Variants in DPP10 observed in about 807,000 individuals in gnomAD.
DPP10 encodes the protein dipeptidyl peptidase like 10.
Under a neutral mutation model 120.9 loss-of-function variants are expected in DPP10, and 33 were observed. The ratio of observed to expected loss-of-function variants is 0.27; its 90% CI spans 0.21 to 0.37. The LOEUF (loss-of-function observed/expected upper bound fraction) is 0.37. DPP10 is among the 10% of genes least tolerant of loss of function. The pLI, the probability that DPP10 is intolerant of heterozygous loss-of-function variation, is 1.00. For synonymous variants in DPP10, 337 were observed against 326.1 expected (o/e 1.03, Z -0.36); for missense variants, 816 against 942.8 (o/e 0.87, Z 1.76).
At chr2:115,248,469 A>G (rs1314373769) in intron 1 of DPP10, among the ~76,000 whole-genome samples, 7 of 151,898 alleles carry the variant, frequency 4.6e-5, no homozygotes, top group Non-Finnish European at 7.4e-5. Context: ...TTGTGAGTCA[A>G]TCCTGCTTGC....
chr2:115,505,821 G>A (rs1379774517), intron 4 of DPP10, among the ~76,000 whole-genome samples: 1 of 152,100 alleles, frequency 6.6e-6, no homozygotes, highest in African/African-American at 2.4e-5. Flanking sequence ...CAAAATTACT[G>A]AGAGTAAATT....
At chr2:115,433,877 G>A (rs1413868091) in intron 3 of DPP10, among the ~76,000 whole-genome samples, 1 of 151,934 alleles carries the variant, frequency 6.6e-6, no homozygotes, top group Non-Finnish European at 1.5e-5. Flanking sequence ...CGATTACCAT[G>A]CTCAAATCCA....
intron 4 of DPP10, among the ~76,000 whole-genome samples, chr2:115,516,098 G>T (rs2077490751): frequency 6.6e-6 from 1 of 152,092 alleles, no homozygotes; most frequent in Non-Finnish European, 1.5e-5. Context: ...TGCAAGTTTA[G>T]TGCATGACAA....
chr2:115,826,700 G>A lies in DPP10; in HGVS notation c.1951-9457G>A, dbSNP rs910391655. Among the ~76,000 whole-genome samples, 10 of 151,996 alleles carry A rather than the reference G, an allele frequency of 6.6e-5. No individual in the cohort carries two copies. In the East Asian group the frequency reaches 9.6e-4, roughly 15 times the overall value. On this transcript the variant is annotated intron_variant, in intron 21 of 25. Coordinates refer to ENST00000410059, the MANE Select transcript of DPP10 (RefSeq NM_020868.6). The stretch of plus-strand genomic sequence containing the variant: ...CATGCCACTGCATTCCAGCCTGGGC[G>A]ACTTTATTTTTGGTTATATTATCTC...
At chr2:115,134,914 G>C (rs1250549084) in intron 1 of DPP10, among the ~76,000 whole-genome samples, 2 of 152,112 alleles carry the variant, frequency 1.3e-5, no homozygotes, top group African/African-American at 4.8e-5. Context: ...ATCAGCAAGA[G>C]GCCATCGTGC....
At chr2:115,633,111 G>A (rs2086020246) in intron 5 of DPP10, among the ~76,000 whole-genome samples, 1 of 152,106 alleles carries the variant, frequency 6.6e-6, no homozygotes, top group African/African-American at 2.4e-5. Flanking sequence ...AAATCATGCT[G>A]CTATAAAGAC....
chr2:115,101,967 G>C (rs1559096752), intron 1 of DPP10, among the ~76,000 whole-genome samples: 1 of 152,190 alleles, frequency 6.6e-6, no homozygotes, highest in Non-Finnish European at 1.5e-5. Flanking sequence ...ATTATGAATA[G>C]GAGAAATGAG....
intron 1 of DPP10, among the ~76,000 whole-genome samples, chr2:115,115,894 A>C (rs968706597): frequency 7.9e-5 from 12 of 152,204 alleles, no homozygotes; most frequent in Non-Finnish European, 1.8e-4. Context: ...CAGGGATCGC[A>C]AAGTACTTTG....
At chr2:114,499,820 T>C (rs903309863) in intron 1 of DPP10, among the ~76,000 whole-genome samples, 5 of 152,214 alleles carry the variant, frequency 3.3e-5, no homozygotes, top group African/African-American at 7.2e-5. Flanking sequence ...AGATTGGTTC[T>C]TGTGATGCTT....
intron 1 of DPP10, among the ~76,000 whole-genome samples, chr2:115,176,834 G>T (rs1179996454): frequency 6.6e-6 from 1 of 152,204 alleles, no homozygotes; most frequent in Non-Finnish European, 1.5e-5. Flanking sequence ...TGGATTGTCT[G>T]CCTCTGGAGT....
chr2:115,783,708 T>C (rs1683026953), intron 17 of DPP10, among the ~76,000 whole-genome samples: 1 of 152,172 alleles, frequency 6.6e-6, no homozygotes. Flanking sequence ...TATTCAATAT[T>C]AACTCTAACG....
At chr2:115,152,311 G>C (rs1195478401) in intron 1 of DPP10, among the ~76,000 whole-genome samples, 1 of 152,210 alleles carries the variant, frequency 6.6e-6, no homozygotes, top group Non-Finnish European at 1.5e-5. Context: ...TCTAAAAACA[G>C]AAAGTAGACT....
At chr2:115,345,078 C>G (rs2063643778) in intron 3 of DPP10, among the ~76,000 whole-genome samples, 1 of 152,142 alleles carries the variant, frequency 6.6e-6, no homozygotes, top group Non-Finnish European at 1.5e-5. Context: ...GATCTGCAGG[C>G]ACTCGAGATT....
At chr2:115,732,011 T>A (rs993203015) in intron 8 of DPP10, among the ~76,000 whole-genome samples, 6 of 152,154 alleles carry the variant, frequency 3.9e-5, no homozygotes, top group African/African-American at 1.4e-4. Context: ...AGACCTTTTT[T>A]TTCCCCTTTA....
At chr2:114,896,904 C>T (rs1451310078) in intron 1 of DPP10, among the ~76,000 whole-genome samples, 9 of 152,070 alleles carry the variant, frequency 5.9e-5, no homozygotes, top group African/African-American at 1.5e-4. Context: ...TTTTGAGATA[C>T]GTCCCATCAA....
intron 4 of DPP10, among the ~76,000 whole-genome samples, chr2:115,519,388 C>T (rs2077674014): frequency 6.6e-6 from 1 of 151,948 alleles, no homozygotes; most frequent in East Asian, 1.9e-4. Context: ...TTATTAAATA[C>T]TCCAATATCA....
chr2:114,838,197 C>T lies in DPP10; in HGVS notation c.60+395359C>T, dbSNP rs945080566. On this transcript the variant is annotated intron_variant, in intron 1 of 25. Coordinates refer to ENST00000410059, the MANE Select transcript of DPP10 (RefSeq NM_020868.6). Reference sequence around the variant, plus strand: ...TCAATCCAGTCACATGCATCCTAACCTCAAGGAAAACTGGAGAAGCACATG... The same window carrying T: ...TCAATCCAGTCACATGCATCCTAACTTCAAGGAAAACTGGAGAAGCACATG... 1.1e-4 allele frequency among the ~76,000 whole-genome samples: 16 copies of T among 152,194 alleles called. No homozygotes were observed. In the East Asian group the frequency reaches 3.1e-3, roughly 29 times the overall value.
intron 1 of DPP10, among the ~76,000 whole-genome samples, chr2:114,702,652 CTT>C (rs1293566980): frequency 6.6e-6 from 1 of 152,118 alleles, no homozygotes; most frequent in Non-Finnish European, 1.5e-5. Context: ...GCACCTATGG[CTT>C]TATATTGCCT....
chr2:115,418,944 A>G (rs1357606662), intron 3 of DPP10, among the ~76,000 whole-genome samples: 2 of 152,190 alleles, frequency 1.3e-5, no homozygotes, highest in Non-Finnish European at 2.9e-5. Context: ...ACTCCTCTTC[A>G]GTGAACCTCA....
Sources: gnomAD v4.1 joint callset for allele counts (sites outside exome capture counted in the v4.1 genomes callset) on GRCh38, gnomAD v4.1.1 for gene constraint, MANE v1.5 for transcripts, NCBI Gene and HGNC (gene_info 2026-07-23, HGNC 2026-07-21) for gene names.